The following KIF16B variants were observed in gnomAD, a reference collection of about 807,000 sequenced individuals.
KIF16B encodes the protein kinesin family member 16B.
A neutral mutation model predicts 156.3 loss-of-function variants in KIF16B; 98 were observed. That is an observed-to-expected ratio of 0.63 (90% CI 0.53 to 0.74). KIF16B has a LOEUF of 0.74. KIF16B is among the 30% of genes least tolerant of loss of function. KIF16B has a pLI of 0.00. For synonymous variants in KIF16B, 564 were observed against 583.7 expected, an observed-to-expected ratio of 0.97 and a Z score of 0.49; for missense variants, 1,421 against 1,606.5, an observed-to-expected ratio of 0.88 and a Z score of 1.97.
chr20:16,404,610 A>G (rs925137158), intron 17 of KIF16B, among the ~76,000 whole-genome samples: 4 of 152,170 alleles, frequency 2.6e-5, no homozygotes, highest in Non-Finnish European at 5.9e-5. Flanking sequence ...AAAATGCAAA[A>G]CTGTTTATGT....
intron 3 of KIF16B, 22 bp from the exon 4 acceptor site, chr20:16,515,686 C>T: frequency 1.6e-6 from 2 of 1,266,000 alleles, no homozygotes; most frequent in South Asian, 1.2e-5. Flanking sequence ...AAAGAACACA[C>T]AAAAGATACA....
intron 17 of KIF16B, among the ~76,000 whole-genome samples, chr20:16,382,627 T>C (rs1310793166): frequency 6.6e-6 from 1 of 152,206 alleles, no homozygotes; most frequent in Non-Finnish European, 1.5e-5. Context: ...TGATTTCTTA[T>C]CAAATACTAT....
chr20:16,460,115 C>T (rs1309679364), intron 12 of KIF16B, among the ~76,000 whole-genome samples: 1 of 152,160 alleles, frequency 6.6e-6, no homozygotes. Context: ...AATACCTGCA[C>T]ATATTATAGT....
At position 16,350,607 on chromosome 20, in the gene KIF16B, G is replaced by A. The variant is rs2064318593; in HGVS notation, c.3621+5723C>T. Among the ~76,000 whole-genome samples, 5 of 151,824 alleles carry A rather than the reference G, an allele frequency of 3.3e-5. No individual in the cohort carries two copies. The South Asian group carries it at 1.0e-3, about 32-fold the overall frequency. On this transcript the variant is annotated intron_variant, in intron 23 of 25. Transcript: ENST00000354981. ...GGACTCGGACACAATCAAGAAGCTCGACTTGCCCACACTCTCCCTGCATGA... is the reference window on the plus strand; with the variant it reads ...GGACTCGGACACAATCAAGAAGCTCAACTTGCCCACACTCTCCCTGCATGA...
chr20:16,412,429 G>A (rs1264615250), intron 15 of KIF16B, among the ~76,000 whole-genome samples: 5 of 152,112 alleles, frequency 3.3e-5, no homozygotes, highest in African/African-American at 1.2e-4. Flanking sequence ...GGATGATAGT[G>A]TATTAGTCCA....
chr20:16,312,225 G>C, intron 25 of KIF16B, 110 bp downstream of exon 25: 1 of 700,120 alleles, frequency 1.4e-6, no homozygotes, highest in Non-Finnish European at 2.4e-6. Context: ...TAATGAGGCA[G>C]CATCTTCACA....
At chr20:16,511,870 G>A (rs2068965204) in intron 5 of KIF16B, among the ~76,000 whole-genome samples, 1 of 152,184 alleles carries the variant, frequency 6.6e-6, no homozygotes, top group Non-Finnish European at 1.5e-5. Flanking sequence ...GCGACATTAG[G>A]CCAGGGGTGG....
chr20:16,498,486 T>A (rs2068519314), intron 10 of KIF16B, among the ~76,000 whole-genome samples: 2 of 152,200 alleles, frequency 1.3e-5, no homozygotes, highest in African/African-American at 4.8e-5. Flanking sequence ...TGCAAGCGTG[T>A]TTTTTGTCGT....
At chr20:16,316,571 G>A (rs575136023) in intron 24 of KIF16B, among the ~76,000 whole-genome samples, 1 of 152,306 alleles carries the variant, frequency 6.6e-6, no homozygotes, top group Non-Finnish European at 1.5e-5. Flanking sequence ...TGAGGGCCCT[G>A]ATGCTGACCT....
chr20:16,506,294 G>A, intron 7 of KIF16B, 104 bp from the exon 8 acceptor site: 1 of 951,030 alleles, frequency 1.1e-6, no homozygotes, highest in Non-Finnish European at 1.6e-6. Flanking sequence ...GATCTCTCAG[G>A]GTAGATATTT....
intron 15 of KIF16B, 23 bp downstream of exon 15, chr20:16,427,081 C>T (rs776943582): frequency 1.3e-6 from 2 of 1,584,390 alleles, no homozygotes; most frequent in Non-Finnish European, 1.7e-6. Context: ...ATACAAAGAC[C>T]TGTGAAAATT....
intron 22 of KIF16B, 64 bp downstream of exon 22, chr20:16,370,522 A>C: frequency 7.5e-7 from 1 of 1,327,224 alleles, no homozygotes; most frequent in East Asian, 2.6e-5. Flanking sequence ...CATTAAGAAA[A>C]TGTAATCACA....
chr20:16,477,070 T>C (rs2067836285), intron 12 of KIF16B, among the ~76,000 whole-genome samples: 2 of 152,076 alleles, frequency 1.3e-5, no homozygotes, highest in African/African-American at 4.8e-5. Flanking sequence ...TAAAGGTAAA[T>C]AAGGCATAAT....
intron 24 of KIF16B, among the ~76,000 whole-genome samples, chr20:16,326,363 C>G (rs1195018219): frequency 6.6e-6 from 1 of 151,358 alleles, no homozygotes; most frequent in Non-Finnish European, 1.5e-5. Context: ...AATAAACAGA[C>G]AGCCCATAGA....
chr20:16,341,916 A>T (rs1419491296), intron 23 of KIF16B, among the ~76,000 whole-genome samples: 1 of 152,224 alleles, frequency 6.6e-6, no homozygotes, highest in African/African-American at 2.4e-5. Context: ...GTGAACTAAA[A>T]ATCTCACACC....
intron 3 of KIF16B, among the ~76,000 whole-genome samples, chr20:16,521,727 A>G (rs1170129624): frequency 6.6e-6 from 1 of 152,188 alleles, no homozygotes; most frequent in African/African-American, 2.4e-5. Flanking sequence ...CGTCAGATTC[A>G]CCAAGGTGGA....
rs139779445 is a variant in KIF16B at position 16,423,676 on chromosome 20, C to T, written c.1612+3428G>A. Among the ~76,000 whole-genome samples, 448 of 152,196 alleles carry T rather than the reference C, an allele frequency of 2.9e-3. 1 individual carries two copies. Among genetic ancestry groups the T allele is most frequent in the African/African-American group, 0.01 (429 of 41,554 alleles). On this transcript the variant is annotated intron_variant, in intron 15 of 25. Coordinates refer to ENST00000354981, the MANE Select transcript of KIF16B (RefSeq NM_024704.5). ...CCAGTACATGGATCTCTACTGTGTA[C>T]GTTCCTCTCTCCCTGGGAAAAGAGG... is the stretch of plus-strand genomic sequence containing the variant.
Position 16,525,967 on chromosome 20 carries a change from G to C in KIF16B, c.231+125C>G, listed in dbSNP as rs921633022. 7 of 546,154 alleles carry C rather than the reference G, an allele frequency of 1.3e-5. No homozygotes were observed. The African/African-American group carries it at 1.3e-4, about 11-fold the overall frequency. The allele number at this position is 546,154 out of a possible 1,614,324, so 33.8% of individuals were successfully genotyped here. ...CACTCAGAAAGGTAAGTTAGCAAAGGCTAATTTTATACAAAAATTACATTC... is the reference window on the plus strand; with the variant it reads ...CACTCAGAAAGGTAAGTTAGCAAAGCCTAATTTTATACAAAAATTACATTC... On this transcript the variant is annotated intron_variant, in intron 3 of 25. Coordinates refer to ENST00000354981, the MANE Select transcript of KIF16B (RefSeq NM_024704.5).
intron 4 of KIF16B, among the ~76,000 whole-genome samples, chr20:16,514,885 CAAAAAAA>C (rs10564862): frequency 4.6e-4 from 28 of 60,750 alleles, no homozygotes; most frequent in Non-Finnish European, 5.3e-4. Context: ...GATTCCATCT[CAAAAAAA>C]AAAAAAAAAA....
Sources: gnomAD v4.1 joint callset for allele counts (sites outside exome capture counted in the v4.1 genomes callset) on GRCh38, gnomAD v4.1.1 for gene constraint, MANE v1.5 for transcripts, NCBI Gene and HGNC (gene_info 2026-07-23, HGNC 2026-07-21) for gene names.